The following IRS1 variants were observed in gnomAD, a reference collection of about 807,000 sequenced individuals.
IRS1 encodes the protein insulin receptor substrate 1.
IRS1 carries 34 observed loss-of-function variants against 65.6 expected under a neutral mutation model. The observed-to-expected ratio is 0.52, with a 90% CI of 0.39 to 0.69. IRS1 has a LOEUF of 0.69. Ranked by LOEUF, IRS1 falls within the 30% of genes least tolerant of loss-of-function variation. IRS1 has a pLI of 0.00. For missense variants in IRS1, 1,641 were observed against 1,720.2 expected, an observed-to-expected ratio of 0.95 and a Z score of 0.81; for synonymous variants, 699 against 683.5, an observed-to-expected ratio of 1.02 and a Z score of -0.35.
chr2:226,757,453 AAAAAATAC>A (rs1170882230), intron 1 of IRS1, among the ~76,000 whole-genome samples: 1 of 151,562 alleles, frequency 6.6e-6, no homozygotes, highest in East Asian at 1.9e-4. Context: ...AATCTCTACT[AAAAAATAC>A]AAAAATTAGC....
At chr2:226,783,874 T>C (rs1939435675) in intron 1 of IRS1, among the ~76,000 whole-genome samples, 1 of 152,130 alleles carries the variant, frequency 6.6e-6, no homozygotes, top group Non-Finnish European at 1.5e-5. Context: ...ATGCACTCAT[T>C]GCTTCCCTGC....
chr2:226,793,634 A>G lies in IRS1; in HGVS notation c.*21+1355T>C, dbSNP rs115595084. Among the ~76,000 whole-genome samples the G allele has an allele frequency of 5.0e-3, 755 of 152,356 alleles. 2 individuals carry two copies. The highest frequency in any genetic ancestry group is 8.6e-3 in the Non-Finnish European group (588 of 68,024). Reference sequence around the variant, plus strand: ...ACACATGATAAATAAATACCTGTCAATAGGAAACCAGGGCACAGATTAATT... The same window carrying G: ...ACACATGATAAATAAATACCTGTCAGTAGGAAACCAGGGCACAGATTAATT... On this transcript the variant is annotated intron_variant, in intron 1 of 1. Coordinates refer to ENST00000305123, the MANE Select transcript of IRS1 (RefSeq NM_005544.3).
intron 1 of IRS1, among the ~76,000 whole-genome samples, chr2:226,746,296 G>T (rs1938543061): frequency 6.6e-6 from 1 of 152,132 alleles, no homozygotes; most frequent in African/African-American, 2.4e-5. Flanking sequence ...GATTGTTGGG[G>T]GTGGGGGCAG....
rs72965942 is a variant in IRS1 at position 226,793,431 on chromosome 2, A to C, written c.*21+1558T>G. 6.8e-3 allele frequency among the ~76,000 whole-genome samples: 1,033 copies of C among 152,368 alleles called. 3 individuals are homozygous for C. The highest frequency in any genetic ancestry group is 0.014 in the Middle Eastern group (4 of 292). On this transcript the variant is annotated intron_variant, in intron 1 of 1. Transcript: ENST00000305123. ...ACTACTGATGTTGATATACACAATTAAATCTTTCTTCTAGTGAATGATGAA... is the reference window on the plus strand; with the variant it reads ...ACTACTGATGTTGATATACACAATTCAATCTTTCTTCTAGTGAATGATGAA...
At position 226,784,406 on chromosome 2, in the gene IRS1, T is replaced by TA. The variant is rs541429499; in HGVS notation, c.*21+10582dup. Among the ~76,000 whole-genome samples the TA allele has an allele frequency of 2.1e-3, 326 of 152,186 alleles. 1 individual carries two copies. Among genetic ancestry groups the TA allele is most frequent in the African/African-American group, 7.6e-3 (315 of 41,564 alleles). On this transcript the variant is annotated intron_variant, in intron 1 of 1. Coordinates refer to ENST00000305123, the MANE Select transcript of IRS1 (RefSeq NM_005544.3). ...CGATTCTAATTCAAATGTTTTTTTT[T>TA]AATTTTTTTATTTTTATTTTATTTT...
At position 226,797,524 on chromosome 2, in the gene IRS1, A is replaced by G. The variant is rs1224558019; in HGVS notation, c.1215T>C (p.Asp405=). 1.9e-6 allele frequency: 3 copies of G among 1,611,640 alleles called. No homozygotes were observed. In the African/African-American group the frequency reaches 4.0e-5, roughly 22 times the overall value. The change falls in exon 1 of 2, where the codon GAT becomes GAC. Residue 405 remains aspartate (D), a synonymous_variant. Coordinates refer to ENST00000305123, the MANE Select transcript of IRS1 (RefSeq NM_005544.3). This position sits in a 1 kb window ranked among gnomAD's most constrained non-coding sequence, Gnocchi z 8.1. ...SSTSGHGSTS[D]CLFPRRSSAS... is the part of the protein sequence containing the mutation. ...CACTAGATCGCCGTGGGAAGAGACAATCCGAGGTGGAGCCATGGCCACTGG... is the reference window on the plus strand; with the variant it reads ...CACTAGATCGCCGTGGGAAGAGACAGTCCGAGGTGGAGCCATGGCCACTGG...
At position 226,799,600 on chromosome 2, in the gene IRS1, G is replaced by A. The variant is rs935376794; in HGVS notation, c.-862C>T. 8 of 1,011,700 alleles carry A rather than the reference G, an allele frequency of 7.9e-6. No individual in the cohort carries two copies. The African/African-American group carries it at 1.4e-4, about 18-fold the overall frequency. The allele number at this position is 1,011,700 out of a possible 1,614,324, so 62.7% of individuals were successfully genotyped here. A position where few individuals can be genotyped will look rare whatever the true frequency, so the allele number is the denominator to read the frequency against. On this transcript the variant is annotated 5_prime_UTR_variant, in exon 1 of 2. Transcript: ENST00000305123. This position sits in a 1 kb window ranked among gnomAD's most constrained non-coding sequence, Gnocchi z 6.1. ...GAGGGGATGGGGGAGGTTTGGGAAG[G>A]GTTCGGGGAAGACGCCTGTTCCTCG...
rs1939676547 is a variant in IRS1 at position 226,794,867 on chromosome 2, G to GT, written c.*21+121dup. ...TGAGCATCTTGTGTGCCCTGAGAATGTAAGTGCATTCTCCCTGAGGAAGCA... is the reference window on the plus strand; with the variant it reads ...TGAGCATCTTGTGTGCCCTGAGAATGTTAAGTGCATTCTCCCTGAGGAAGCA... On this transcript the variant is annotated intron_variant, in intron 1 of 1. Transcript: ENST00000305123. The surrounding 1 kb of genome is among the most constrained non-coding windows in gnomAD (Gnocchi z 4.1). 11 of 874,314 alleles carry GT rather than the reference G, an allele frequency of 1.3e-5. No homozygotes were observed. The highest frequency in any genetic ancestry group is 2.1e-5 in the Non-Finnish European group (11 of 525,518). 54.2% of individuals were successfully genotyped at this position (874,314 alleles called of 1,614,324 possible).
At position 226,771,125 on chromosome 2, in the gene IRS1, G is replaced by A. The variant is rs537501028; in HGVS notation, c.*21+23864C>T. 1.9e-4 allele frequency among the ~76,000 whole-genome samples: 29 copies of A among 152,236 alleles called. No homozygotes were observed. In the South Asian group the frequency reaches 6.0e-3, roughly 32 times the overall value. On this transcript the variant is annotated intron_variant, in intron 1 of 1. Transcript: ENST00000305123. ...TGGTAGTGTGGGCTGTGTTGTTTGT[G>A]ATTTTAAAGGTTACCCTATTTTTAT...
chr2:226,774,310 G>T (rs773917866), intron 1 of IRS1, among the ~76,000 whole-genome samples: 3 of 152,148 alleles, frequency 2.0e-5, no homozygotes, highest in African/African-American at 7.2e-5. Flanking sequence ...AAGGAAGAGG[G>T]CTTAAAAAGG....
At chr2:226,755,040 C>G (rs1394608330) in intron 1 of IRS1, among the ~76,000 whole-genome samples, 1 of 152,148 alleles carries the variant, frequency 6.6e-6, no homozygotes, top group Non-Finnish European at 1.5e-5. Flanking sequence ...ATTTATTGAT[C>G]CCATAAAATA....
At position 226,742,741 on chromosome 2, in the gene IRS1, C is replaced by T. The variant is rs527376535; in HGVS notation, c.*22-6491G>A. On this transcript the variant is annotated intron_variant, in intron 1 of 1. Transcript: ENST00000305123. ...AAAAAAAAAAAAGAAGACCGAAAGG[C>T]GACCATCAAGCCTGTCAGCTCTGGC... Among the ~76,000 whole-genome samples the T allele has an allele frequency of 7.8e-5, 11 of 141,212 alleles. No homozygotes were observed. The East Asian group carries it at 1.7e-3, about 22-fold the overall frequency. 92.6% of individuals were successfully genotyped at this position (141,212 alleles called of 152,430 possible). A position where few individuals can be genotyped will look rare whatever the true frequency, so the allele number is the denominator to read the frequency against.
intron 1 of IRS1, among the ~76,000 whole-genome samples, chr2:226,768,927 A>T (rs960157599): frequency 6.6e-6 from 1 of 152,092 alleles, no homozygotes; most frequent in African/African-American, 2.4e-5. Flanking sequence ...GAGCCACCGC[A>T]CCCAGCGAAT....
intron 1 of IRS1, among the ~76,000 whole-genome samples, chr2:226,743,255 A>G (rs986426241): frequency 2.6e-5 from 4 of 151,210 alleles, no homozygotes; most frequent in African/African-American, 9.7e-5. Context: ...TTGGAGACAG[A>G]GTCTCACTCT....
At chr2:226,766,163 A>ATTTTTTTTTTT (rs5839180) in intron 1 of IRS1, among the ~76,000 whole-genome samples, 47 of 4,592 alleles carry the variant, frequency 0.01, 15 homozygotes, top group Non-Finnish European at 0.018. Flanking sequence ...ATATATATAT[A>ATTTTTTTTTTT]TTTTTTTTTT....
chr2:226,795,899 C>T lies in IRS1; in HGVS notation c.2840G>A (p.Gly947Glu), dbSNP rs1002889742. The T allele has an allele frequency of 1.2e-6, 2 of 1,613,874 alleles. No individual in the cohort carries two copies. Among genetic ancestry groups the T allele is most frequent in the African/African-American group, 2.7e-5 (2 of 75,052 alleles). Residue 947 changes from glycine to glutamate, a missense_variant, in exon 1 of 2, where the codon GGG becomes GAG. By Grantham distance (98) the Gly-to-Glu change is moderately conservative (BLOSUM62 -2). Coordinates refer to ENST00000305123, the MANE Select transcript of IRS1 (RefSeq NM_005544.3). ...GTEEYMKMDLGPGRRAAWQES... is the reference protein window; with the variant it reads ...GTEEYMKMDLEPGRRAAWQES... ...CTGCCAGGCTGCCCTCCGGCCCGGC[C>T]CCAGGTCCATCTTCATGTACTCCTC...
At chr2:226,759,874 C>A (rs1338533506) in intron 1 of IRS1, among the ~76,000 whole-genome samples, 1 of 152,182 alleles carries the variant, frequency 6.6e-6, no homozygotes, top group Admixed American at 6.5e-5. Context: ...ATAGGCTTAG[C>A]TGAGAAAGAA....
rs778699204 is a variant in IRS1 at position 226,797,447 on chromosome 2, T to C, written c.1292A>G (p.Tyr431Cys). 6.2e-7 allele frequency: 1 copy of C among 1,613,476 alleles called. No homozygotes were observed. The highest frequency in any genetic ancestry group is 1.3e-5 in the African/African-American group (1 of 75,002). ...SDGGFISSDE[Y>C]GSSPCDFRSS... is the part of the protein sequence containing the mutation. ...CCGGAAATCGCAGGGACTGGAGCCATACTCATCCGAGGAGATGAAACCGCC... is the reference window on the plus strand; with the variant it reads ...CCGGAAATCGCAGGGACTGGAGCCACACTCATCCGAGGAGATGAAACCGCC... Residue 431 changes from tyrosine to cysteine, a missense_variant, in exon 1 of 2, where the codon TAT (tyrosine) becomes TGT (cysteine). Tyr to Cys is a radical substitution (Grantham distance 194). Transcript: ENST00000305123. This position sits in a 1 kb window ranked among gnomAD's most constrained non-coding sequence, Gnocchi z 8.1.
Position 226,798,591 on chromosome 2 carries a change from C to T in IRS1, c.148G>A (p.Glu50Lys), listed in dbSNP as rs1469971676. ...GPARLEYYEN[E>K]KKWRHKSSAP... ...CTCGACTTGTGCCGCCACTTCTTCT[C>T]GTTCTCGTAGTACTCGAGGCGCGCC... The change falls in exon 1 of 2, where the codon GAG becomes AAG. Residue 50 changes from glutamate (E) to lysine (K), a missense_variant. Glu to Lys is a moderately conservative substitution (Grantham distance 56). Coordinates refer to ENST00000305123, the MANE Select transcript of IRS1 (RefSeq NM_005544.3). This position sits in a 1 kb window ranked among gnomAD's most constrained non-coding sequence, Gnocchi z 9.4. The T allele has an allele frequency of 6.2e-7, 1 of 1,613,860 alleles. No homozygotes were observed. The highest frequency in any genetic ancestry group is 1.7e-5 in the Admixed American group (1 of 60,032).
Sources: allele counts gnomAD v4.1 joint callset (sites outside exome capture counted in the v4.1 genomes callset), GRCh38; gene constraint gnomAD v4.1.1; non-coding constraint Gnocchi (gnomAD v3.1); transcripts MANE v1.5; gene names NCBI Gene and HGNC (gene_info 2026-07-23, HGNC 2026-07-21).